The following NELL1 variants were observed in gnomAD, a reference collection of about 807,000 sequenced individuals.
The protein encoded by NELL1 is neural EGFL like 1, also known as protein kinase C-binding protein NELL1.
NELL1 carries 76 observed loss-of-function variants against 107.4 expected under a neutral mutation model. That is an observed-to-expected ratio of 0.71 (90% CI 0.59 to 0.86). The LOEUF is 0.86. Among genes scored for constraint, NELL1 ranks in the 40% least tolerant of loss-of-function variants. The probability of loss-of-function intolerance (pLI) is 0.00; values close to 1 mark genes in which losing one functional copy is unlikely to be tolerated. For missense variants in NELL1, 1,024 were observed against 1,005.5 expected (o/e 1.02, Z -0.25); for synonymous variants, 353 against 341.2 (o/e 1.03, Z -0.38).
At chr11:20,872,335 C>T (rs553994566) in intron 4 of NELL1, among the ~76,000 whole-genome samples, 73 of 152,046 alleles carry the variant, frequency 4.8e-4, no homozygotes, top group African/African-American at 1.6e-3. Context: ...TACCTGCCAC[C>T]GTGCCTAGCT....
At position 21,546,746 on chromosome 11, in the gene NELL1, T is replaced by C. The variant is rs563549085; in HGVS notation, c.1786+12232T>C. ...TACGCAGTTTCAGGTATTTCTTTAT[T>C]AGTGGCATGAAAATGGACTAATACA... On this transcript the variant is annotated intron_variant, in intron 16 of 19. Coordinates refer to ENST00000357134, the MANE Select transcript of NELL1 (RefSeq NM_006157.5). Among the ~76,000 whole-genome samples the C allele has an allele frequency of 2.9e-4, 44 of 152,130 alleles. No individual in the cohort carries two copies. In the South Asian group the frequency reaches 6.6e-3, roughly 23 times the overall value.
At chr11:20,967,049 T>C (rs917993984) in intron 12 of NELL1, among the ~76,000 whole-genome samples, 1 of 152,160 alleles carries the variant, frequency 6.6e-6, no homozygotes, top group African/African-American at 2.4e-5. Flanking sequence ...TTTTGTTTTG[T>C]TTTATTTTAT....
chr11:20,958,142 G>C (rs553947133), intron 11 of NELL1, among the ~76,000 whole-genome samples: 1 of 152,122 alleles, frequency 6.6e-6, no homozygotes. Flanking sequence ...ACAAGGCTGG[G>C]TGTGGTGGCT....
At chr11:21,401,890 T>C (rs1324409714) in intron 15 of NELL1, among the ~76,000 whole-genome samples, 1 of 151,724 alleles carries the variant, frequency 6.6e-6, no homozygotes, top group Non-Finnish European at 1.5e-5. Flanking sequence ...TTTACAAAAT[T>C]GTAGTGAGGA....
At chr11:20,814,985 C>A (rs966239513) in intron 3 of NELL1, among the ~76,000 whole-genome samples, 4 of 152,026 alleles carry the variant, frequency 2.6e-5, no homozygotes, top group Non-Finnish European at 5.9e-5. Flanking sequence ...ATTTTTTTGA[C>A]TTTTTAATAG....
At chr11:21,350,312 G>C (rs1850777668) in intron 14 of NELL1, among the ~76,000 whole-genome samples, 1 of 151,742 alleles carries the variant, frequency 6.6e-6, no homozygotes, top group Non-Finnish European at 1.5e-5. Context: ...AACAGCACTA[G>C]TAATGGCTAA....
chr11:21,313,999 C>CTG (rs1565162857), intron 14 of NELL1, among the ~76,000 whole-genome samples: 1,286 of 92,160 alleles, frequency 0.014, 149 homozygotes, highest in African/African-American at 0.077. Context: ...TCTGCCCCCC[C>CTG]CCCCCCCCCC....
chr11:20,989,419 T>G (rs1404892076), intron 12 of NELL1, among the ~76,000 whole-genome samples: 2 of 152,126 alleles, frequency 1.3e-5, no homozygotes, highest in Admixed American at 1.3e-4. Flanking sequence ...AAGGCCAGGG[T>G]ATTGAGACTG....
intron 15 of NELL1, among the ~76,000 whole-genome samples, chr11:21,510,819 A>G (rs1855416673): frequency 6.6e-6 from 1 of 152,152 alleles, no homozygotes; most frequent in Non-Finnish European, 1.5e-5. Context: ...ACTCATAGTT[A>G]TCTCTTTTAG....
chr11:21,535,805 T>G (rs1415111200), intron 16 of NELL1, among the ~76,000 whole-genome samples: 1 of 152,204 alleles, frequency 6.6e-6, no homozygotes, highest in Non-Finnish European at 1.5e-5. Context: ...TTATTTTAAA[T>G]GTCACTGTGT....
chr11:21,080,691 G>C (rs1024061901), intron 12 of NELL1, among the ~76,000 whole-genome samples: 5 of 152,110 alleles, frequency 3.3e-5, no homozygotes, highest in African/African-American at 1.2e-4. Context: ...TTTATCTGTA[G>C]AAAAATAATC....
chr11:21,282,199 G>C (rs1261292654), intron 14 of NELL1, among the ~76,000 whole-genome samples: 2 of 152,090 alleles, frequency 1.3e-5, no homozygotes, highest in Admixed American at 1.3e-4. Context: ...GATCTGAATA[G>C]ACGTTTCTCA....
chr11:20,756,586 C>T (rs991700631), intron 2 of NELL1, among the ~76,000 whole-genome samples: 1 of 136,326 alleles, frequency 7.3e-6, no homozygotes, highest in Non-Finnish European at 1.5e-5. Flanking sequence ...TGGTCTGGAT[C>T]TCCTGACCTC....
At chr11:20,915,717 ATTTTT>A (rs67447563) in intron 5 of NELL1, among the ~76,000 whole-genome samples, 20 of 58,184 alleles carry the variant, frequency 3.4e-4, no homozygotes, top group South Asian at 1.2e-3. Context: ...ATATATATAT[ATTTTT>A]TTTTTTTTTT....
At chr11:21,544,007 C>T (rs1278901521) in intron 16 of NELL1, among the ~76,000 whole-genome samples, 2 of 151,932 alleles carry the variant, frequency 1.3e-5, no homozygotes, top group African/African-American at 4.8e-5. Context: ...TGTCTATTAT[C>T]TTTTCATTCT....
At chr11:21,142,964 C>T (rs1340379152) in intron 13 of NELL1, among the ~76,000 whole-genome samples, 1 of 152,166 alleles carries the variant, frequency 6.6e-6, no homozygotes, top group Non-Finnish European at 1.5e-5. Flanking sequence ...GCTCCTCCTT[C>T]TATGTCCCAA....
chr11:21,305,226 A>G (rs1849581512), intron 14 of NELL1, among the ~76,000 whole-genome samples: 1 of 152,058 alleles, frequency 6.6e-6, no homozygotes, highest in Non-Finnish European at 1.5e-5. Context: ...GGGAAATGAC[A>G]AGAGCCATCA....
chr11:21,540,183 G>A (rs1591019243), intron 16 of NELL1, among the ~76,000 whole-genome samples: 2 of 152,144 alleles, frequency 1.3e-5, no homozygotes, highest in Admixed American at 6.5e-5. Context: ...TATGTGTTGG[G>A]AAAAATACGA....
intron 13 of NELL1, among the ~76,000 whole-genome samples, chr11:21,182,608 A>G (rs1856852130): frequency 6.6e-6 from 1 of 151,792 alleles, no homozygotes; most frequent in Admixed American, 6.6e-5. Context: ...ACAGAAGTAG[A>G]CTTTTCAGGT....
Sources: allele counts gnomAD v4.1 joint callset (sites outside exome capture counted in the v4.1 genomes callset), GRCh38; gene constraint gnomAD v4.1.1; transcripts MANE v1.5; gene names NCBI Gene and HGNC (gene_info 2026-07-23, HGNC 2026-07-21).